The following DAGLB variants were observed in gnomAD, a reference collection of about 807,000 sequenced individuals.
DAGLB encodes the protein diacylglycerol lipase-beta.
DAGLB carries 66 observed loss-of-function variants against 72.1 expected under a neutral mutation model. The ratio of observed to expected loss-of-function variants is 0.92; its 90% CI spans 0.75 to 1.12. The LOEUF (loss-of-function observed/expected upper bound fraction) is 1.12, where lower values mean the gene tolerates loss of function less well. Among genes scored for constraint, DAGLB ranks in the 50% most tolerant of loss-of-function variants. The pLI is 0.00. For synonymous variants in DAGLB, 414 were observed against 359.5 expected (o/e 1.15, Z -1.71); for missense variants, 1,065 against 884.9 (o/e 1.20, Z -2.58).
intron 8 of DAGLB, chr7:6,422,030 G>T (rs1044254761): frequency 1.5e-6 from 1 of 652,664 alleles, no homozygotes; most frequent in East Asian, 3.0e-5. Flanking sequence ...GGGTGGAGGG[G>T]ACCATGGAGT....
intron 2 of DAGLB, 40 bp downstream of exon 2, chr7:6,445,913 A>G: frequency 6.5e-7 from 1 of 1,546,762 alleles, no homozygotes; most frequent in East Asian, 2.3e-5. Context: ...CAATAAAGCT[A>G]TAAAAAAATA....
At position 6,424,914 on chromosome 7, in the gene DAGLB, C is replaced by T. The variant is rs117143590; in HGVS notation, c.1057-79G>A. 3.1e-3 allele frequency: 4,322 copies of T among 1,416,926 alleles called. 9 individuals carry two copies. The highest frequency in any genetic ancestry group is 3.9e-3 in the Non-Finnish European group (3,949 of 1,006,274). 87.8% of individuals were successfully genotyped at this position (1,416,926 alleles called of 1,614,324 possible). A position where few individuals can be genotyped will look rare whatever the true frequency, so the allele number is the denominator to read the frequency against. ...ACGCAAAGTCGGAGCCCTGCAGTGT[C>T]TGCAATGACAGCCCAAGTCCTGCGG... On this transcript the variant is annotated intron_variant, in intron 7 of 14. Transcript: ENST00000297056.
chr7:6,414,550 C>T (rs1479415141), intron 11 of DAGLB, among the ~76,000 whole-genome samples: 1 of 152,060 alleles, frequency 6.6e-6, no homozygotes, highest in East Asian at 1.9e-4. Context: ...ATCCTCCTGC[C>T]TCAGCCTCCC....
At chr7:6,442,922 C>T (rs1784876050) in intron 2 of DAGLB, among the ~76,000 whole-genome samples, 1 of 151,766 alleles carries the variant, frequency 6.6e-6, no homozygotes, top group African/African-American at 2.4e-5. Flanking sequence ...GCCTATAATC[C>T]CAGCACTTTG....
intron 9 of DAGLB, among the ~76,000 whole-genome samples, chr7:6,420,499 C>A (rs1784077589): frequency 6.6e-6 from 1 of 152,010 alleles, no homozygotes; most frequent in South Asian, 2.1e-4. Flanking sequence ...TACGATTCCA[C>A]TTCTGTGGGG....
At chr7:6,421,904 G>T (rs570074080) in intron 8 of DAGLB, 100 bp from the exon 9 acceptor site, 3 of 1,294,986 alleles carry the variant, frequency 2.3e-6, no homozygotes, top group African/African-American at 3.0e-5. Flanking sequence ...GGAGGATGGC[G>T]GGGATGGCAC....
chr7:6,422,382 G>A (rs55695740), intron 8 of DAGLB: 18,962 of 230,962 alleles, frequency 0.082, 1,965 homozygotes, highest in East Asian at 0.52. Context: ...CCCTGGGCAC[G>A]GCTCCACACC....
Position 6,412,864 on chromosome 7 carries a change from C to T in DAGLB, c.1516G>A (p.Glu506Lys), listed in dbSNP as rs1460388007. The T allele has an allele frequency of 6.2e-7, 1 of 1,607,248 alleles. No individual in the cohort carries two copies. The highest frequency in any genetic ancestry group is 1.7e-5 in the Admixed American group (1 of 59,046). Residue 506 changes from glutamate (E) to lysine (K), a missense_variant, in exon 13 of 15, where the codon GAA (glutamate) becomes AAA (lysine). Coordinates refer to ENST00000297056, the MANE Select transcript of DAGLB (RefSeq NM_139179.4). Reference sequence around the variant, plus strand: ...CGCAAGATTCTTCTCTTCAGATCTTCCAAGTTGGTCACACTGAGCCTGTTT... The same window carrying T: ...CGCAAGATTCTTCTCTTCAGATCTTTCAAGTTGGTCACACTGAGCCTGTTT... ...VIPRLSVTNL[E>K]DLKRRILRVV...
chr7:6,431,328 T>C (rs898277572), intron 5 of DAGLB, among the ~76,000 whole-genome samples: 1 of 151,984 alleles, frequency 6.6e-6, no homozygotes, highest in Non-Finnish European at 1.5e-5. Flanking sequence ...GCAGGAAAAT[T>C]ATCACCAAGC....
At chr7:6,416,206 T>A (rs1783908875) in intron 11 of DAGLB, 1 of 156,832 alleles carries the variant, frequency 6.4e-6, no homozygotes, top group East Asian at 1.9e-4. Context: ...CACATAGGTC[T>A]AAGAAAGGCT....
intron 2 of DAGLB, among the ~76,000 whole-genome samples, chr7:6,438,053 G>A (rs1156594635): frequency 6.6e-6 from 1 of 152,122 alleles, no homozygotes; most frequent in Non-Finnish European, 1.5e-5. Flanking sequence ...GTCCTTTGTA[G>A]GGACATGGAT....
At chr7:6,413,113 C>G in intron 11 of DAGLB, 79 bp from the exon 12 acceptor site, 3 of 1,470,274 alleles carry the variant, frequency 2.0e-6, no homozygotes, top group Non-Finnish European at 2.8e-6. Context: ...AAATCAGTAA[C>G]ACTGAGGGGT....
In DAGLB at chr7:6,424,610, C is replaced by T; in HGVS notation, c.1140+142G>A. The T allele has an allele frequency of 1.2e-5, 9 of 751,476 alleles. No homozygotes were observed. In the South Asian group the frequency reaches 1.4e-4, roughly 12 times the overall value. The allele number at this position is 751,476 out of a possible 1,614,324, so 46.6% of individuals were successfully genotyped here. ...TTTGCAAAGGGAGTATTTCCCAACC[C>T]CAGGCTCACATCCTCATTTTCTGTC... On this transcript the variant is annotated intron_variant, in intron 8 of 14. Coordinates refer to ENST00000297056, the MANE Select transcript of DAGLB (RefSeq NM_139179.4).
chr7:6,421,073 C>T (rs1387522720), intron 9 of DAGLB, among the ~76,000 whole-genome samples: 1 of 152,154 alleles, frequency 6.6e-6, no homozygotes, highest in Admixed American at 6.5e-5. Flanking sequence ...GAGGCTGAGG[C>T]AGGAGGATTA....
chr7:6,431,466 A>T (rs1784486655), intron 5 of DAGLB, among the ~76,000 whole-genome samples: 1 of 152,156 alleles, frequency 6.6e-6, no homozygotes, highest in African/African-American at 2.4e-5. Flanking sequence ...CTAAAACATA[A>T]GCCTTCAAAG....
At chr7:6,411,009 A>C (rs552980657) in intron 13 of DAGLB, among the ~76,000 whole-genome samples, 3 of 149,092 alleles carry the variant, frequency 2.0e-5, no homozygotes, top group South Asian at 2.1e-4. Flanking sequence ...CTCAGCCACC[A>C]GAGTAGCTGG....
chr7:6,437,132 T>A (rs1220379214), intron 2 of DAGLB, among the ~76,000 whole-genome samples: 1 of 145,934 alleles, frequency 6.9e-6, no homozygotes, highest in Non-Finnish European at 1.5e-5. Flanking sequence ...CTAGTCTGGG[T>A]GACAGAGCAA....
chr7:6,437,001 T>C (rs931828045), intron 2 of DAGLB, among the ~76,000 whole-genome samples: 1 of 151,536 alleles, frequency 6.6e-6, no homozygotes, highest in African/African-American at 2.4e-5. Context: ...AATTAAAAAA[T>C]TAGCGAGGCG....
In DAGLB at chr7:6,426,131, G is replaced by C. The variant is rs1784303904; in HGVS notation, c.930-17C>G. ...CTTCTGCAGCTAAAAAGAGGACAAAGACGTTACTATGCCGAACAGAGCCAC... is the reference window on the plus strand; with the variant it reads ...CTTCTGCAGCTAAAAAGAGGACAAACACGTTACTATGCCGAACAGAGCCAC... On this transcript the variant is annotated splice_polypyrimidine_tract_variant and intron_variant, in intron 6 of 14. Coordinates refer to ENST00000297056, the MANE Select transcript of DAGLB (RefSeq NM_139179.4). The C allele has an allele frequency of 6.2e-7, 1 of 1,612,924 alleles. No individual in the cohort carries two copies. The highest frequency in any genetic ancestry group is 1.1e-5 in the South Asian group (1 of 91,032).
Sources: allele counts gnomAD v4.1 joint callset (sites outside exome capture counted in the v4.1 genomes callset), GRCh38; gene constraint gnomAD v4.1.1; transcripts MANE v1.5; gene names NCBI Gene and HGNC (gene_info 2026-07-23, HGNC 2026-07-21).